The following KIAA1549L variants were observed in gnomAD, a reference collection of about 807,000 sequenced individuals.
The protein encoded by KIAA1549L is UPF0606 protein KIAA1549L.
In KIAA1549L, 88 loss-of-function variants were observed where a neutral mutation model predicts 160.7. That is an observed-to-expected ratio of 0.55 (90% CI 0.46 to 0.65). The LOEUF is 0.65. Ranked by LOEUF, KIAA1549L falls within the 30% of genes least tolerant of loss-of-function variation. The pLI, the probability that KIAA1549L is intolerant of heterozygous loss-of-function variation, is 0.00. For missense variants in KIAA1549L, 2,258 were observed against 2,437.5 expected, an observed-to-expected ratio of 0.93 and a Z score of 1.55; for synonymous variants, 950 against 976.7, an observed-to-expected ratio of 0.97 and a Z score of 0.51.
intron 12 of KIAA1549L, among the ~76,000 whole-genome samples, chr11:33,596,167 C>T (rs1304486839): frequency 6.6e-6 from 1 of 152,188 alleles, no homozygotes; most frequent in Non-Finnish European, 1.5e-5. Context: ...ACTGCAGCCT[C>T]GCAGGTGACA....
intron 1 of KIAA1549L, among the ~76,000 whole-genome samples, chr11:33,455,037 C>T (rs561475488): frequency 1.3e-4 from 20 of 152,178 alleles, no homozygotes; most frequent in South Asian, 2.1e-4. Context: ...TGCAGTGAGC[C>T]GAGATTGCGC....
intron 1 of KIAA1549L, among the ~76,000 whole-genome samples, chr11:33,524,535 A>G (rs1853570464): frequency 6.6e-6 from 1 of 151,904 alleles, no homozygotes; most frequent in Non-Finnish European, 1.5e-5. Context: ...TAATTTTTAT[A>G]TATGAATAAA....
chr11:33,438,898 A>G (rs1210949236), intron 1 of KIAA1549L, among the ~76,000 whole-genome samples: 3 of 149,516 alleles, frequency 2.0e-5, no homozygotes, highest in Non-Finnish European at 4.4e-5. Flanking sequence ...CAAGCTTAGA[A>G]TCTTTGTCAG....
intron 1 of KIAA1549L, among the ~76,000 whole-genome samples, chr11:33,517,807 C>G (rs1204969688): frequency 1.3e-5 from 2 of 152,072 alleles, no homozygotes; most frequent in East Asian, 3.9e-4. Context: ...TCTTCAGGAG[C>G]AAAAGGAGTG....
Position 33,551,270 on chromosome 11 carries a change from C to T in KIAA1549L, c.3721+11C>T, listed in dbSNP as rs374903913. On this transcript the variant is annotated intron_variant, in intron 5 of 20. Transcript: ENST00000658780. ...TCCAGCTAAAAACAGGCAAGTGACT[C>T]GGAAGGAAGGGATTTTCATCCATTC... 94 of 1,607,786 alleles carry T rather than the reference C, an allele frequency of 5.8e-5. 1 individual carries two copies. The African/African-American group carries it at 7.8e-4, about 13-fold the overall frequency.
Position 33,545,062 on chromosome 11 carries a change from A to T in KIAA1549L, c.3069A>T (p.Thr1023=). 6.2e-7 allele frequency: 1 copy of T among 1,614,056 alleles called. No homozygotes were observed. The highest frequency in any genetic ancestry group is 8.5e-7 in the Non-Finnish European group (1 of 1,179,890). The change falls in exon 3 of 21, where the codon ACA becomes ACT. Residue 1023 remains threonine, a synonymous_variant. Transcript: ENST00000658780. ...ARTGHTTSTH[T]AMQGNMDTAS... ...CAGGACATACCACGAGCACACATAC[A>T]GCCATGCAAGGAAACATGGACACTG...
chr11:33,484,162 A>G (rs1414336670), intron 1 of KIAA1549L, among the ~76,000 whole-genome samples: 2 of 151,998 alleles, frequency 1.3e-5, no homozygotes, highest in Non-Finnish European at 2.9e-5. Flanking sequence ...AACTTCGGGG[A>G]CAGCTGGTGG....
chr11:33,403,928 G>A (rs756579512), intron 1 of KIAA1549L, among the ~76,000 whole-genome samples: 3 of 152,076 alleles, frequency 2.0e-5, no homozygotes, highest in East Asian at 1.9e-4. Flanking sequence ...CTAAGCATTC[G>A]GCTTTCCAAG....
chr11:33,478,726 TA>T (rs1852345833), intron 1 of KIAA1549L, among the ~76,000 whole-genome samples: 1 of 152,196 alleles, frequency 6.6e-6, no homozygotes, highest in Non-Finnish European at 1.5e-5. Context: ...GAGGTGCTAT[TA>T]TTTTTTTAAA....
intron 11 of KIAA1549L, 38 bp from the exon 12 acceptor site, chr11:33,591,199 G>A (rs375970017): frequency 1.5e-4 from 226 of 1,522,848 alleles, no homozygotes; most frequent in Non-Finnish European, 1.9e-4. Flanking sequence ...GTCACACTTC[G>A]CTAGAAATAC....
At chr11:33,623,999 C>A (rs1213999575) in intron 16 of KIAA1549L, among the ~76,000 whole-genome samples, 1 of 152,114 alleles carries the variant, frequency 6.6e-6, no homozygotes, top group Non-Finnish European at 1.5e-5. Context: ...CCCTCTTGAC[C>A]TAGGGTAGCC....
chr11:33,649,144 T>A (rs2133413606), intron 17 of KIAA1549L, among the ~76,000 whole-genome samples: 1 of 152,124 alleles, frequency 6.6e-6, no homozygotes, highest in Non-Finnish European at 1.5e-5. Flanking sequence ...ACCCGCTGGG[T>A]GACTTATAGG....
chr11:33,561,220 G>A lies in KIAA1549L; in HGVS notation c.4019-456G>A, dbSNP rs576003920. Reference sequence around the variant, plus strand: ...GATGATTTTTAAAGAGAAAGCTACAGCAAAGACAGGTTCCTGCTGTGGGTC... The same window carrying A: ...GATGATTTTTAAAGAGAAAGCTACAACAAAGACAGGTTCCTGCTGTGGGTC... On this transcript the variant is annotated intron_variant, in intron 7 of 20. Transcript: ENST00000658780. 3.9e-5 allele frequency among the ~76,000 whole-genome samples: 6 copies of A among 152,302 alleles called. No homozygotes were observed. In the East Asian group the frequency reaches 9.6e-4, roughly 24 times the overall value.
intron 1 of KIAA1549L, among the ~76,000 whole-genome samples, chr11:33,432,309 G>A (rs1372037821): frequency 6.6e-6 from 1 of 152,226 alleles, no homozygotes; most frequent in Admixed American, 6.5e-5. Flanking sequence ...TCACCTCTCA[G>A]CACTAGGGAA....
At chr11:33,606,956 C>A in intron 14 of KIAA1549L, 134 bp downstream of exon 14, 1 of 676,998 alleles carries the variant, frequency 1.5e-6, no homozygotes, top group Non-Finnish European at 2.4e-6. Flanking sequence ...TCTGCATGTA[C>A]CAGGCCTCTG....
chr11:33,514,530 C>T (rs1317312448), intron 1 of KIAA1549L, among the ~76,000 whole-genome samples: 3 of 152,160 alleles, frequency 2.0e-5, no homozygotes, highest in Middle Eastern at 3.2e-3. Flanking sequence ...TTATTTCTCC[C>T]GGCTTCATAT....
At chr11:33,550,208 T>C (rs1854411891) in intron 4 of KIAA1549L, among the ~76,000 whole-genome samples, 1 of 151,950 alleles carries the variant, frequency 6.6e-6, no homozygotes, top group South Asian at 2.1e-4. Flanking sequence ...TTGTGTGTTT[T>C]TTACCACAAT....
chr11:33,630,429 G>C (rs537042690), intron 16 of KIAA1549L, among the ~76,000 whole-genome samples: 1 of 152,348 alleles, frequency 6.6e-6, no homozygotes, highest in South Asian at 2.1e-4. Context: ...AGCAATCAGC[G>C]AGACTCCGTG....
At chr11:33,377,961 T>A (rs1178601119) in intron 1 of KIAA1549L, among the ~76,000 whole-genome samples, 1 of 152,198 alleles carries the variant, frequency 6.6e-6, no homozygotes, top group Non-Finnish European at 1.5e-5. Context: ...TGCTTGCGAG[T>A]TACTGTCAGA....
Sources: allele counts gnomAD v4.1 joint callset (sites outside exome capture counted in the v4.1 genomes callset), GRCh38; gene constraint gnomAD v4.1.1; transcripts MANE v1.5; gene names NCBI Gene and HGNC (gene_info 2026-07-23, HGNC 2026-07-21).